NAALADL2: variants seen among roughly 807,000 people sequenced by gnomAD.
NAALADL2 encodes N-acetylated alpha-linked acidic dipeptidase like 2, also known as inactive N-acetylated-alpha-linked acidic dipeptidase-like protein 2.
Under a neutral mutation model 87.2 loss-of-function variants are expected in NAALADL2, and 76 were observed. The observed-to-expected ratio is 0.87, with a 90% confidence interval of 0.72 to 1.05. The LOEUF is 1.05. Among genes scored for constraint, NAALADL2 ranks in the 50% least tolerant of loss-of-function variants. NAALADL2 has a pLI of 0.00. For missense variants in NAALADL2, 1,089 were observed against 945.8 expected, an observed-to-expected ratio of 1.15 and a Z score of -1.99; for synonymous variants, 354 against 331.0, an observed-to-expected ratio of 1.07 and a Z score of -0.75.
intron 1 of NAALADL2, among the ~76,000 whole-genome samples, chr3:175,094,061 G>A (rs1433252073): frequency 6.6e-6 from 1 of 151,772 alleles, no homozygotes; most frequent in Non-Finnish European, 1.5e-5. Flanking sequence ...TCACATTTCT[G>A]TAGTAACTCC....
chr3:175,140,085 G>C (rs1729763978), intron 2 of NAALADL2, among the ~76,000 whole-genome samples: 1 of 152,090 alleles, frequency 6.6e-6, no homozygotes, highest in African/African-American at 2.4e-5. Flanking sequence ...ACCTGGCTTT[G>C]AATCTTAGCT....
chr3:175,645,723 G>A (rs1358132666), intron 11 of NAALADL2, among the ~76,000 whole-genome samples: 1 of 152,122 alleles, frequency 6.6e-6, no homozygotes, highest in Non-Finnish European at 1.5e-5. Context: ...CAGACAAGAG[G>A]AAGGTGGGAG....
intron 1 of NAALADL2, among the ~76,000 whole-genome samples, chr3:175,024,733 T>A (rs1174083262): frequency 6.6e-6 from 1 of 152,070 alleles, no homozygotes; most frequent in Non-Finnish European, 1.5e-5. Flanking sequence ...TTTTCAGTTT[T>A]ACTTTTTAAT....
rs753296509 is a variant in NAALADL2 at position 175,755,224 on chromosome 3, T to C, written c.1995T>C (p.Asp665=). The C allele has an allele frequency of 1.2e-5, 20 of 1,605,462 alleles. No homozygotes were observed. In the East Asian group the frequency reaches 3.8e-4, roughly 31 times the overall value. ...GGGCTCATTTATCTTCACCAGGTGA[T>C]CAACCCAACACTCATCAACTGTTAG... The part of the protein sequence containing the change: ...ALEVQNNLKG[D]QPNTHQLLAM... The change falls in exon 13 of 14, where the codon GAT becomes GAC. Residue 665 remains aspartate, a synonymous_variant. Transcript: ENST00000454872.
At chr3:175,335,665 A>T (rs1262657238) in intron 5 of NAALADL2, among the ~76,000 whole-genome samples, 2 of 152,196 alleles carry the variant, frequency 1.3e-5, no homozygotes, top group Non-Finnish European at 2.9e-5. Context: ...CATTTACTTC[A>T]AACTGCTAGC....
intron 5 of NAALADL2, among the ~76,000 whole-genome samples, chr3:175,433,793 T>G (rs909155385): frequency 6.6e-6 from 1 of 151,970 alleles, no homozygotes; most frequent in African/African-American, 2.4e-5. Flanking sequence ...ATTCACCACA[T>G]TATAGAACTT....
At chr3:175,215,653 A>G (rs554128779) in intron 2 of NAALADL2, among the ~76,000 whole-genome samples, 1 of 152,294 alleles carries the variant, frequency 6.6e-6, no homozygotes, top group Non-Finnish European at 1.5e-5. Context: ...ATAGAAAGTC[A>G]TCTTAAGATT....
chr3:174,589,267 C>T (rs1471566509), intron 2 of NAALADL2, among the ~76,000 whole-genome samples: 2 of 152,150 alleles, frequency 1.3e-5, no homozygotes, highest in Non-Finnish European at 2.9e-5. Context: ...TTTCCAGGTA[C>T]CATCTGTCAC....
chr3:174,588,642 C>G (rs936405467), intron 2 of NAALADL2, among the ~76,000 whole-genome samples: 12 of 152,312 alleles, frequency 7.9e-5, no homozygotes, highest in African/African-American at 2.9e-4. Context: ...TGGAGGTCCA[C>G]TCCAGACCCT....
At chr3:175,635,167 GATTATACTGA>G (rs1214981259) in intron 11 of NAALADL2, among the ~76,000 whole-genome samples, 11 of 151,928 alleles carry the variant, frequency 7.2e-5, no homozygotes, top group African/African-American at 2.7e-4. Context: ...TATTCTTTTT[GATTATACTGA>G]ACAAATATAA....
rs1263362568 is a variant in NAALADL2, at chr3:175,181,717, GTA to G, written c.546-52206_546-52205del. Among the ~76,000 whole-genome samples the G allele has an allele frequency of 3.6e-3, 50 of 13,704 alleles. 1 individual carries two copies. Among genetic ancestry groups the G allele is most frequent in the African/African-American group, 7.2e-3 (48 of 6,650 alleles). 9.0% of individuals were successfully genotyped at this position (13,704 alleles called of 152,430 possible). On this transcript the variant is annotated intron_variant, in intron 2 of 13. Transcript: ENST00000454872. ...TATATATATATATGTGTGTGTGTGT[GTA>G]TATATATGTATATATGTGTATATAT...
intron 3 of NAALADL2, chr3:175,242,458 C>T (rs1015099121): frequency 2.6e-5 from 4 of 152,118 alleles, no homozygotes; most frequent in South Asian, 4.1e-4. Flanking sequence ...CTTAGGTTTC[C>T]GCACTGTTTA....
At chr3:175,592,516 A>T (rs1349056897) in intron 10 of NAALADL2, among the ~76,000 whole-genome samples, 1 of 152,080 alleles carries the variant, frequency 6.6e-6, no homozygotes, top group East Asian at 1.9e-4. Flanking sequence ...CTTGGAGACT[A>T]ACTTAAAAAG....
At chr3:174,789,144 C>T (rs552003555) in intron 3 of NAALADL2, among the ~76,000 whole-genome samples, 4 of 152,276 alleles carry the variant, frequency 2.6e-5, no homozygotes, top group Admixed American at 1.3e-4. Context: ...CATATTGCTT[C>T]ATTTGTAACT....
intron 3 of NAALADL2, among the ~76,000 whole-genome samples, chr3:174,804,055 G>A (rs1182126443): frequency 6.6e-6 from 1 of 151,972 alleles, no homozygotes; most frequent in Non-Finnish European, 1.5e-5. Context: ...TAAATTACCT[G>A]GAGTGGTATG....
chr3:174,838,522 G>T (rs1723635197), intron 3 of NAALADL2, among the ~76,000 whole-genome samples: 1 of 152,100 alleles, frequency 6.6e-6, no homozygotes, highest in South Asian at 2.1e-4. Flanking sequence ...GGAAATAAAG[G>T]ACATCCAAAT....
chr3:175,389,248 T>A (rs1042496407), intron 5 of NAALADL2, among the ~76,000 whole-genome samples: 11 of 152,144 alleles, frequency 7.2e-5, no homozygotes, highest in African/African-American at 1.9e-4. Flanking sequence ...AAAAATAATA[T>A]AGGGTTGGAT....
intron 13 of NAALADL2, among the ~76,000 whole-genome samples, chr3:175,762,196 T>TTTTTTTTA (rs1748120290): frequency 6.7e-6 from 1 of 148,832 alleles, no homozygotes; most frequent in South Asian, 2.1e-4. Context: ...GTTTCGATTT[T>TTTTTTTTA]TTTTTTTTTT....
intron 1 of NAALADL2, among the ~76,000 whole-genome samples, chr3:174,984,525 T>C (rs1335010211): frequency 6.6e-6 from 1 of 152,148 alleles, no homozygotes; most frequent in African/African-American, 2.4e-5. Context: ...CAAAACCCAA[T>C]GGATCAGAAA....
Sources: allele counts gnomAD v4.1 joint callset (sites outside exome capture counted in the v4.1 genomes callset), GRCh38; gene constraint gnomAD v4.1.1; transcripts MANE v1.5; gene names NCBI Gene and HGNC (gene_info 2026-07-23, HGNC 2026-07-21).